SLC35F2: variants seen among roughly 807,000 people sequenced by gnomAD.
The protein encoded by SLC35F2 is queuine/queuosine transporter SLC35F2.
A neutral mutation model predicts 38.1 loss-of-function variants in SLC35F2; 25 were observed. The observed-to-expected ratio is 0.66, with a 90% CI of 0.48 to 0.92. SLC35F2 has a LOEUF of 0.92. Among genes scored for constraint, SLC35F2 ranks in the 40% least tolerant of loss-of-function variants. SLC35F2 has a pLI of 0.00. For missense variants in SLC35F2, 409 were observed against 452.9 expected (o/e 0.90, Z 0.88); for synonymous variants, 173 against 181.7 (o/e 0.95, Z 0.38).
chr11:107,832,300 TTCTATTCTGAATCTACGAGAAC>T (rs1859856612), intron 1 of SLC35F2, among the ~76,000 whole-genome samples: 2 of 152,204 alleles, frequency 1.3e-5, no homozygotes, highest in South Asian at 4.1e-4. Context: ...AACTGGTTTA[TTCTATTCTGAATCTACGAGAAC>T]AAGAAAAGGC....
intron 3 of SLC35F2, chr11:107,810,202 T>C (rs1339796533): frequency 5.4e-5 from 53 of 985,448 alleles, no homozygotes; most frequent in Middle Eastern, 5.2e-4. Flanking sequence ...TTATAATATA[T>C]TCTTTGCTAG....
chr11:107,793,105 CG>C (rs55687535), intron 7 of SLC35F2, among the ~76,000 whole-genome samples: 61,746 of 151,782 alleles, frequency 0.41, 13,452 homozygotes, highest in Non-Finnish European at 0.49. Flanking sequence ...TCTGTAGAGA[CG>C]GGGTTTTTCC....
At chr11:107,810,250 G>A in intron 3 of SLC35F2, 1 of 985,296 alleles carries the variant, frequency 1.0e-6, no homozygotes. Context: ...CAAATGCTTA[G>A]GTTTTTCTAA....
At chr11:107,836,963 TAAA>T (rs1286978710) in intron 1 of SLC35F2, among the ~76,000 whole-genome samples, 1 of 152,158 alleles carries the variant, frequency 6.6e-6, no homozygotes, top group Non-Finnish European at 1.5e-5. Context: ...AAGAGTCTAT[TAAA>T]AAACTGCAGG....
At chr11:107,822,955 G>C (rs997563429) in intron 1 of SLC35F2, among the ~76,000 whole-genome samples, 2 of 151,932 alleles carry the variant, frequency 1.3e-5, no homozygotes, top group Non-Finnish European at 2.9e-5. Flanking sequence ...ATATATATGA[G>C]ACACAATGAT....
At chr11:107,853,009 C>CA (rs978788812) in intron 1 of SLC35F2, among the ~76,000 whole-genome samples, 3 of 152,040 alleles carry the variant, frequency 2.0e-5, no homozygotes, top group Non-Finnish European at 4.4e-5. Flanking sequence ...GGCTCCATCT[C>CA]AAAAAAACAA....
chr11:107,810,906 A>G, intron 3 of SLC35F2: 1 of 981,028 alleles, frequency 1.0e-6, no homozygotes, highest in Non-Finnish European at 1.2e-6. Context: ...GGGACATATC[A>G]AAAAGTTATA....
intron 6 of SLC35F2, among the ~76,000 whole-genome samples, chr11:107,804,071 C>T (rs1183113253): frequency 6.6e-6 from 1 of 151,170 alleles, no homozygotes; most frequent in African/African-American, 2.4e-5. Context: ...CTCCTGACCT[C>T]ATGATCCACC....
At chr11:107,817,878 T>C (rs540627804) in intron 1 of SLC35F2, among the ~76,000 whole-genome samples, 4 of 149,950 alleles carry the variant, frequency 2.7e-5, no homozygotes, top group Admixed American at 6.6e-5. Flanking sequence ...ACCAACATGG[T>C]CAAACCCCAT....
intron 1 of SLC35F2, among the ~76,000 whole-genome samples, chr11:107,842,206 A>C (rs938221697): frequency 2.2e-4 from 30 of 134,680 alleles, no homozygotes; most frequent in African/African-American, 6.2e-4. Context: ...CAGTGAGGCA[A>C]GATTGCGCCA....
At chr11:107,832,666 T>C (rs73003384) in intron 1 of SLC35F2, among the ~76,000 whole-genome samples, 8,806 of 152,034 alleles carry the variant, frequency 0.058, 529 homozygotes, top group African/African-American at 0.15. Context: ...ATTAGCCGGG[T>C]ATGATGGCAT....
Position 107,811,775 on chromosome 11 carries a change from T to G in SLC35F2, c.306A>C (p.Val102=), listed in dbSNP as rs757001925. Residue 102 remains valine (V), a synonymous_variant, in exon 3 of 8, where the codon GTA becomes GTC. Transcript: ENST00000525815. ...ACTTCCACCATTTTCTTTTCAAGAT[T>G]ACTAAAAGGTTATCACTGCCTGGTT... ...AFRSGSDNLL[V]ILKRKWWKYI... The G allele has an allele frequency of 4.3e-6, 7 of 1,613,958 alleles. No homozygotes were observed. The highest frequency in any genetic ancestry group is 1.7e-5 in the Admixed American group (1 of 59,998).
At chr11:107,835,583 C>T (rs1227690862) in intron 1 of SLC35F2, among the ~76,000 whole-genome samples, 1 of 152,106 alleles carries the variant, frequency 6.6e-6, no homozygotes, top group Non-Finnish European at 1.5e-5. Context: ...GTGTACACCA[C>T]CATGCCCAGC....
intron 7 of SLC35F2, among the ~76,000 whole-genome samples, chr11:107,793,397 C>T (rs1859164642): frequency 6.6e-6 from 1 of 152,160 alleles, no homozygotes; most frequent in Non-Finnish European, 1.5e-5. Flanking sequence ...ACACCCCACT[C>T]TGCATATAGT....
chr11:107,855,629 G>C (rs936885191), intron 1 of SLC35F2, among the ~76,000 whole-genome samples: 1 of 151,312 alleles, frequency 6.6e-6, no homozygotes, highest in African/African-American at 2.4e-5. Context: ...TCCAGCCTGG[G>C]CAACAACAGT....
intron 1 of SLC35F2, among the ~76,000 whole-genome samples, chr11:107,857,322 G>C (rs115542451): frequency 2.5e-3 from 368 of 145,300 alleles, no homozygotes; most frequent in African/African-American, 9.1e-3. Flanking sequence ...AGAGAGGGAA[G>C]GAAGGAAGGA....
chr11:107,852,730 G>A (rs777566383), intron 1 of SLC35F2, among the ~76,000 whole-genome samples: 11 of 151,756 alleles, frequency 7.2e-5, no homozygotes, highest in Non-Finnish European at 1.3e-4. Context: ...AAATTAGCCA[G>A]GCATGGTGGC....
At chr11:107,835,973 C>G (rs933528228) in intron 1 of SLC35F2, among the ~76,000 whole-genome samples, 4 of 152,148 alleles carry the variant, frequency 2.6e-5, no homozygotes, top group African/African-American at 4.8e-5. Flanking sequence ...GACAAGTTGT[C>G]TGGGTCAAGA....
intron 2 of SLC35F2, among the ~76,000 whole-genome samples, chr11:107,815,425 C>A: frequency 6.6e-6 from 1 of 150,528 alleles, no homozygotes; most frequent in Admixed American, 6.6e-5. Context: ...GGCATGGTGG[C>A]ACACTCCTGT....
Sources: gnomAD v4.1 joint callset for allele counts (sites outside exome capture counted in the v4.1 genomes callset) on GRCh38, gnomAD v4.1.1 for gene constraint, MANE v1.5 for transcripts, NCBI Gene and HGNC (gene_info 2026-07-23, HGNC 2026-07-21) for gene names.